NR3C1: variants seen among roughly 807,000 people sequenced by gnomAD.
NR3C1 encodes nuclear receptor subfamily 3 group C member 1.
In NR3C1, 14 loss-of-function variants were observed where a neutral mutation model predicts 74.0. That is an observed-to-expected ratio of 0.19 (90% confidence interval 0.12 to 0.30). The LOEUF is 0.30. NR3C1 is among the 10% of genes least tolerant of loss of function. The probability of loss-of-function intolerance (pLI) is 1.00; values close to 1 mark genes in which losing one functional copy is unlikely to be tolerated. For synonymous variants in NR3C1, 308 were observed against 332.5 expected (o/e 0.93, Z 0.80); for missense variants, 695 against 909.8 (o/e 0.76, Z 3.04).
Position 143,399,648 on chromosome 5 carries a change from G to A in NR3C1, c.1184+8C>T, listed in dbSNP as rs1238275421. 6.3e-7 allele frequency: 1 copy of A among 1,580,362 alleles called. No homozygotes were observed. The highest frequency in any genetic ancestry group is 1.7e-5 in the Admixed American group (1 of 59,952). On this transcript the variant is annotated splice_region_variant and intron_variant, in intron 2 of 8. Transcript: ENST00000394464. ...CATTCTTAAGAAACAGAAAAACACT[G>A]ATCTTACCTTGAATAGCCATTAGAA...
At chr5:143,365,781 A>G (rs1833074786) in intron 2 of NR3C1, among the ~76,000 whole-genome samples, 1 of 152,246 alleles carries the variant, frequency 6.6e-6, no homozygotes, top group Admixed American at 6.5e-5. Context: ...TAAATTTTAA[A>G]AGATAGAAAT....
chr5:143,286,910 A>G lies in NR3C1; in HGVS notation c.2024-4185T>C, dbSNP rs575869034. On this transcript the variant is annotated intron_variant, in intron 7 of 8. Coordinates refer to ENST00000394464, the MANE Select transcript of NR3C1 (RefSeq NM_000176.3). ...AGTCATTCAATATTAGAGTCCTTCA[A>G]TGTACCTCCTACCTCAGTGGAATTA... Among the ~76,000 whole-genome samples, 6 of 152,212 alleles carry G rather than the reference A, an allele frequency of 3.9e-5. No homozygotes were observed. In the East Asian group the frequency reaches 1.2e-3, roughly 29 times the overall value.
chr5:143,297,673 A>ATG (rs3836768), intron 6 of NR3C1, among the ~76,000 whole-genome samples: 1 of 152,170 alleles, frequency 6.6e-6, no homozygotes, highest in African/African-American at 2.4e-5. Flanking sequence ...GACCAGGGGT[A>ATG]TGTGTGTGTG....
At chr5:143,422,845 G>T (rs984714022) in intron 1 of NR3C1, among the ~76,000 whole-genome samples, 1 of 152,184 alleles carries the variant, frequency 6.6e-6, no homozygotes, top group Non-Finnish European at 1.5e-5. Context: ...AAGAATAAAT[G>T]AGATGCCCCT....
At chr5:143,401,152 T>C in intron 1 of NR3C1, 1 of 402,780 alleles carries the variant, frequency 2.5e-6, no homozygotes, top group South Asian at 2.5e-5. Flanking sequence ...GTAGCTTTGT[T>C]AATCACAGAC....
At chr5:143,389,127 A>G (rs2151910364) in intron 2 of NR3C1, among the ~76,000 whole-genome samples, 1 of 152,294 alleles carries the variant, frequency 6.6e-6, no homozygotes, top group South Asian at 2.1e-4. Flanking sequence ...GGAGTTTGAG[A>G]TCTTTCAAGC....
intron 2 of NR3C1, chr5:143,332,793 G>A (rs188536869): frequency 8.7e-5 from 135 of 1,550,112 alleles, no homozygotes; most frequent in East Asian, 8.3e-4. Flanking sequence ...GATTGATGGC[G>A]TGAGTTTACG....
intron 6 of NR3C1, among the ~76,000 whole-genome samples, chr5:143,296,735 T>A (rs1817323477): frequency 1.3e-5 from 2 of 152,106 alleles, no homozygotes; most frequent in African/African-American, 2.4e-5. Context: ...ATGCAATATC[T>A]GCCTGTCACA....
rs201952526 is a variant in NR3C1 at position 143,376,129 on chromosome 5, GA to G, written c.1184+23526del. Among the ~76,000 whole-genome samples the G allele has an allele frequency of 1.3e-3, 192 of 144,882 alleles. 3 individuals carry two copies. The East Asian group carries it at 0.023, about 17-fold the overall frequency. On this transcript the variant is annotated intron_variant, in intron 2 of 8. Transcript: ENST00000394464. ...CCATCAGAAAGCTGAAAGATGTGGAGAAAAAAAAAAAGTTGGCATACACCTT... is the reference window on the plus strand; with the variant it reads ...CCATCAGAAAGCTGAAAGATGTGGAGAAAAAAAAAAGTTGGCATACACCTT...
chr5:143,326,352 A>G (rs1389601257), intron 2 of NR3C1, among the ~76,000 whole-genome samples: 1 of 152,226 alleles, frequency 6.6e-6, no homozygotes, highest in Non-Finnish European at 1.5e-5. Context: ...TGCCCCTTCT[A>G]TCCTTCATAT....
intron 7 of NR3C1, among the ~76,000 whole-genome samples, chr5:143,285,199 C>A (rs527260162): frequency 1.3e-5 from 2 of 152,114 alleles, no homozygotes; most frequent in East Asian, 3.9e-4. Flanking sequence ...TCCCTTGAGG[C>A]CATAGAGGAA....
intron 2 of NR3C1, among the ~76,000 whole-genome samples, chr5:143,367,079 T>C (rs1399524943): frequency 6.6e-6 from 1 of 152,158 alleles, no homozygotes; most frequent in African/African-American, 2.4e-5. Context: ...CCAAGTGAGA[T>C]GAAACCCAAG....
chr5:143,298,609 A>G (rs940983796), intron 6 of NR3C1, 59 bp downstream of exon 6: 17 of 1,557,590 alleles, frequency 1.1e-5, no homozygotes, highest in Admixed American at 1.7e-5. Flanking sequence ...AATCAGGAAA[A>G]CATCAGCTGG....
rs540834329 is a variant in NR3C1 at position 143,377,270 on chromosome 5, C to T, written c.1184+22386G>A. Among the ~76,000 whole-genome samples, 4 of 152,170 alleles carry T rather than the reference C, an allele frequency of 2.6e-5. No individual in the cohort carries two copies. In the East Asian group the frequency reaches 7.7e-4, roughly 29 times the overall value. Reference sequence around the variant, plus strand: ...GGCAGACAGGAAGGGGATGCCATTCCCCTCCCCCCACACAAAAAAAGGCCA... The same window carrying T: ...GGCAGACAGGAAGGGGATGCCATTCTCCTCCCCCCACACAAAAAAAGGCCA... On this transcript the variant is annotated intron_variant, in intron 2 of 8. Coordinates refer to ENST00000394464, the MANE Select transcript of NR3C1 (RefSeq NM_000176.3).
chr5:143,284,097 C>T (rs149866053), intron 7 of NR3C1, among the ~76,000 whole-genome samples: 60 of 152,018 alleles, frequency 3.9e-4, no homozygotes, highest in African/African-American at 6.0e-4. Context: ...ATTTTTTTCC[C>T]GAGACAGAGT....
chr5:143,327,214 C>T (rs1478583260), intron 2 of NR3C1, among the ~76,000 whole-genome samples: 1 of 152,096 alleles, frequency 6.6e-6, no homozygotes, highest in South Asian at 2.1e-4. Context: ...ACACGTCTCA[C>T]CTGGCAGCAG....
At position 143,390,226 on chromosome 5, in the gene NR3C1, C is replaced by T. The variant is rs188273942; in HGVS notation, c.1184+9430G>A. Among the ~76,000 whole-genome samples the T allele has an allele frequency of 3.3e-5, 5 of 152,044 alleles. No homozygotes were observed. In the East Asian group the frequency reaches 9.6e-4, roughly 29 times the overall value. The stretch of plus-strand genomic sequence containing the variant: ...AGTTTTTAAAAGTACTATCAGTAAT[C>T]GCAGAGGTTTTTTTCAGGTTGTGAG... On this transcript the variant is annotated intron_variant, in intron 2 of 8. Transcript: ENST00000394464.
At chr5:143,333,452 G>A (rs1826428665) in intron 2 of NR3C1, among the ~76,000 whole-genome samples, 1 of 152,068 alleles carries the variant, frequency 6.6e-6, no homozygotes, top group African/African-American at 2.4e-5. Flanking sequence ...AGAGTTATAG[G>A]CTTAAAGATG....
intron 2 of NR3C1, among the ~76,000 whole-genome samples, chr5:143,330,068 TAA>T (rs1204907158): frequency 6.6e-6 from 1 of 152,094 alleles, no homozygotes; most frequent in African/African-American, 2.4e-5. Flanking sequence ...CAATAGAATA[TAA>T]GTTTTGTTTT....
Sources: gnomAD v4.1 joint callset for allele counts (sites outside exome capture counted in the v4.1 genomes callset) on GRCh38, gnomAD v4.1.1 for gene constraint, MANE v1.5 for transcripts, NCBI Gene and HGNC (gene_info 2026-07-23, HGNC 2026-07-21) for gene names.